The following WFS1 variants were observed in gnomAD, a reference collection of about 807,000 sequenced individuals.
The protein encoded by WFS1 is wolframin.
Under a neutral mutation model 68.5 loss-of-function variants are expected in WFS1, and 90 were observed. That is an observed-to-expected ratio of 1.31 (90% CI 1.11 to 1.56). WFS1 has a LOEUF of 1.56. Among genes scored for constraint, WFS1 ranks in the 40% most tolerant of loss-of-function variants. The pLI, the probability that WFS1 is intolerant of heterozygous loss-of-function variation, is 0.00. For missense variants in WFS1, 1,767 were observed against 1,232.6 expected, an observed-to-expected ratio of 1.43 and a Z score of -6.49; for synonymous variants, 860 against 540.7, an observed-to-expected ratio of 1.59 and a Z score of -8.19.
chr4:6,300,771 G>A lies in WFS1; in HGVS notation c.976G>A (p.Ala326Thr), dbSNP rs200790641. 6.7e-5 allele frequency: 108 copies of A among 1,613,862 alleles called. 1 individual carries two copies. Among genetic ancestry groups the A allele is most frequent in the Admixed American group, 2.7e-4 (16 of 59,984 alleles). ...STIIPTHHIN[A>T]LIFFFIVSNL... is the part of the protein sequence containing the mutation. ...CATCATCCCCACGCACCACATCAAC[G>A]CGCTCATCTTCTTCTTCATCGTCAG... The change falls in exon 8 of 8, where the codon GCG becomes ACG. Residue 326 changes from alanine to threonine, a missense_variant. By Grantham distance (58) the Ala-to-Thr change is moderately conservative. Coordinates refer to ENST00000226760, the MANE Select transcript of WFS1 (RefSeq NM_006005.3).
intron 4 of WFS1, among the ~76,000 whole-genome samples, chr4:6,289,599 T>C (rs1730407340): frequency 1.3e-5 from 2 of 152,182 alleles, no homozygotes; most frequent in Admixed American, 6.5e-5. Flanking sequence ...GGAGGCAGGC[T>C]GACCCTTCAT....
chr4:6,279,010 G>T (rs1730078056), intron 2 of WFS1, among the ~76,000 whole-genome samples: 1 of 152,208 alleles, frequency 6.6e-6, no homozygotes, highest in South Asian at 2.1e-4. Context: ...TCTCCAATGT[G>T]GGGGTGGTGA....
rs1338086186 is a variant in WFS1 at position 6,295,256 on chromosome 4, C to T, written c.861+67C>T. 1.7e-5 allele frequency: 27 copies of T among 1,596,706 alleles called. No individual in the cohort carries two copies. The Admixed American group carries it at 3.7e-4, about 22-fold the overall frequency. On this transcript the variant is annotated intron_variant, in intron 7 of 7. Coordinates refer to ENST00000226760, the MANE Select transcript of WFS1 (RefSeq NM_006005.3). ...AAGGACTCGCGCACCTCAGGCAGGG[C>T]ACCTTCCAGGAAGCTGCAGGTGGGG...
chr4:6,290,504 C>T (rs1167421640), intron 4 of WFS1, among the ~76,000 whole-genome samples: 2 of 152,242 alleles, frequency 1.3e-5, no homozygotes, highest in South Asian at 2.1e-4. Context: ...CAGCTGCACA[C>T]ACCTTCTGAT....
At chr4:6,275,669 C>T (rs1729973880) in intron 1 of WFS1, among the ~76,000 whole-genome samples, 1 of 152,014 alleles carries the variant, frequency 6.6e-6, no homozygotes, top group Non-Finnish European at 1.5e-5. Context: ...GGGCTCAGTC[C>T]CTCTGAGGGA....
chr4:6,300,230 C>G (rs1016054698), intron 7 of WFS1, among the ~76,000 whole-genome samples: 1 of 152,150 alleles, frequency 6.6e-6, no homozygotes, highest in Non-Finnish European at 1.5e-5. Flanking sequence ...AGGTGACATC[C>G]TTGCTGTAGT....
chr4:6,285,364 G>T (rs1730285298), intron 2 of WFS1, among the ~76,000 whole-genome samples: 1 of 149,956 alleles, frequency 6.7e-6, no homozygotes, highest in Non-Finnish European at 1.5e-5. Flanking sequence ...AGGGAAAGCA[G>T]CATCAAGGGA....
chr4:6,276,859 A>G (rs1730009502), intron 1 of WFS1, among the ~76,000 whole-genome samples: 1 of 152,204 alleles, frequency 6.6e-6, no homozygotes, highest in Non-Finnish European at 1.5e-5. Context: ...AGCTTCTGGC[A>G]GTGGCCAGTG....
chr4:6,288,972 GT>G lies in WFS1; in HGVS notation c.316-14del. ...GGTCGGAGAATCTGGAGGCTGACTG[GT>G]GTCTGGCTTGCAGGTGGGGAAGCAC... On this transcript the variant is annotated splice_polypyrimidine_tract_variant and intron_variant, in intron 3 of 7. Transcript: ENST00000226760. The G allele has an allele frequency of 3.1e-6, 5 of 1,606,594 alleles. No individual in the cohort carries two copies. The highest frequency in any genetic ancestry group is 4.2e-6 in the Non-Finnish European group (5 of 1,177,122).
At position 6,280,416 on chromosome 4, in the gene WFS1, A is replaced by G. The variant is rs1266887915; in HGVS notation, c.232+2729A>G. Among the ~76,000 whole-genome samples, 8 of 152,132 alleles carry G rather than the reference A, an allele frequency of 5.3e-5. No individual in the cohort carries two copies. In the East Asian group the frequency reaches 1.5e-3, roughly 29 times the overall value. On this transcript the variant is annotated intron_variant, in intron 2 of 7. Coordinates refer to ENST00000226760, the MANE Select transcript of WFS1 (RefSeq NM_006005.3). Reference sequence around the variant, plus strand: ...GATCTGTTGTTCTGCTCAACAAGAGAATAAAGCTGGGCTTGTCACACCTGG... The same window carrying G: ...GATCTGTTGTTCTGCTCAACAAGAGGATAAAGCTGGGCTTGTCACACCTGG...
chr4:6,277,532 G>T lies in WFS1; in HGVS notation c.77G>T (p.Arg26Leu). 5.7e-6 allele frequency: 9 copies of T among 1,587,930 alleles called. No homozygotes were observed. The highest frequency in any genetic ancestry group is 7.7e-6 in the Non-Finnish European group (9 of 1,167,860). The change falls in exon 2 of 8, where the codon CGA becomes CTA. Residue 26 changes from arginine to leucine, a missense_variant. Coordinates refer to ENST00000226760, the MANE Select transcript of WFS1 (RefSeq NM_006005.3). Reference protein sequence around the residue: ...PPAPQPQARSRLNATASLEQE... With the variant: ...PPAPQPQARSLLNATASLEQE... ...GCACCGCAGCCCCAGGCGCGTTCCC[G>T]ACTCAATGCCACAGCCTCGTTGGAG...
At chr4:6,300,077 T>C (rs769340374) in intron 7 of WFS1, among the ~76,000 whole-genome samples, 1 of 152,074 alleles carries the variant, frequency 6.6e-6, no homozygotes, top group African/African-American at 2.4e-5. Context: ...ACGGTATTTT[T>C]GCTGGGAGAG....
chr4:6,269,913 G>C lies in WFS1; in HGVS notation c.-107G>C, dbSNP rs1397132617. Reference sequence around the variant, plus strand: ...TGCAGATTGCTCCCCCGCGGCCGCAGATCTCCCGTTTGCGCCGCGTTCAGC... The same window carrying C: ...TGCAGATTGCTCCCCCGCGGCCGCACATCTCCCGTTTGCGCCGCGTTCAGC... On this transcript the variant is annotated 5_prime_UTR_variant, in exon 1 of 8. Coordinates refer to ENST00000226760, the MANE Select transcript of WFS1 (RefSeq NM_006005.3). 1 of 152,222 alleles carries C rather than the reference G, an allele frequency of 6.6e-6. No homozygotes were observed. The highest frequency in any genetic ancestry group is 1.9e-4 in the East Asian group (1 of 5,184). 9.4% of individuals were successfully genotyped at this position (152,222 alleles called of 1,614,324 possible).
In WFS1 at chr4:6,302,397, C is replaced by G. The variant is rs148611943; in HGVS notation, c.2602C>G (p.Arg868Gly). 7 of 1,613,126 alleles carry G rather than the reference C, an allele frequency of 4.3e-6. No homozygotes were observed. The highest frequency in any genetic ancestry group is 5.9e-6 in the Non-Finnish European group (7 of 1,179,978). Residue 868 changes from arginine (R) to glycine (G), a missense_variant, in exon 8 of 8, where the codon CGC (arginine) becomes GGC (glycine). Arg to Gly is a moderately radical substitution (Grantham distance 125, BLOSUM62 -2). Transcript: ENST00000226760. ...GCACGTGAAGATCGAGCACGACTGGCGCAGCACCGTGCATGGCGCCGTGAA... is the reference window on the plus strand; with the variant it reads ...GCACGTGAAGATCGAGCACGACTGGGGCAGCACCGTGCATGGCGCCGTGAA... ...RRHVKIEHDWRSTVHGAVKFA... is the reference protein window; with the variant it reads ...RRHVKIEHDWGSTVHGAVKFA...
Position 6,301,822 on chromosome 4 carries a change from G to A in WFS1, c.2027G>A (p.Arg676His), listed in dbSNP as rs143055296. The A allele has an allele frequency of 4.3e-5, 69 of 1,613,152 alleles. No homozygotes were observed. Among genetic ancestry groups the A allele is most frequent in the Admixed American group, 6.7e-5 (4 of 60,032 alleles). ...WQQYGALCGPRAWKETNMART... is the reference protein window; with the variant it reads ...WQQYGALCGPHAWKETNMART... ...CAGTATGGTGCGCTGTGCGGGCCACGCGCCTGGAAGGAGACCAACATGGCG... is the reference window on the plus strand; with the variant it reads ...CAGTATGGTGCGCTGTGCGGGCCACACGCCTGGAAGGAGACCAACATGGCG... Residue 676 changes from arginine (R) to histidine (H), a missense_variant, in exon 8 of 8, where the codon CGC becomes CAC. Transcript: ENST00000226760.
intron 2 of WFS1, among the ~76,000 whole-genome samples, chr4:6,281,099 A>T (rs1182463852): frequency 6.6e-6 from 1 of 152,096 alleles, no homozygotes; most frequent in Non-Finnish European, 1.5e-5. Flanking sequence ...CATTGGGGGT[A>T]GGGGGATTGC....
rs1003225223 is a variant in WFS1, at chr4:6,283,705, G to A, written c.233-3388G>A. Among the ~76,000 whole-genome samples, 1 of 152,218 alleles carries A rather than the reference G, an allele frequency of 6.6e-6. No individual in the cohort carries two copies. The highest frequency in any genetic ancestry group is 1.5e-5 in the Non-Finnish European group (1 of 68,044). On this transcript the variant is annotated intron_variant, in intron 2 of 7. Transcript: ENST00000226760. The surrounding 1 kb of genome is among the most constrained non-coding windows in gnomAD (Gnocchi z 5.0). ...GGTGCTGTAGTCAGGGAGATGACCT[G>A]GCAACTCTGATTGGCCAGGTGGGGG... is the stretch of plus-strand genomic sequence containing the variant.
rs71524350 is a variant in WFS1, at chr4:6,289,053, G to T, written c.382G>T (p.Asp128Tyr). 23 of 1,601,800 alleles carry T rather than the reference G, an allele frequency of 1.4e-5. No individual in the cohort carries two copies. Among genetic ancestry groups the T allele is most frequent in the Middle Eastern group, 1.6e-4 (1 of 6,068 alleles). ...DEELNSCTAV[D>Y]WLVLAAKQGR... ...AGAACTCAACAGCTGCACCGCTGTGGACTGGCTGGTCCTCGCCGCGAAGCA... is the reference window on the plus strand; with the variant it reads ...AGAACTCAACAGCTGCACCGCTGTGTACTGGCTGGTCCTCGCCGCGAAGCA... Residue 128 changes from aspartate (D) to tyrosine (Y), a missense_variant, in exon 4 of 8, where the codon GAC becomes TAC. Coordinates refer to ENST00000226760, the MANE Select transcript of WFS1 (RefSeq NM_006005.3).
chr4:6,277,773 C>A (rs1199055193), intron 2 of WFS1, 86 bp downstream of exon 2: 4 of 1,437,922 alleles, frequency 2.8e-6, no homozygotes, highest in Non-Finnish European at 3.8e-6. Flanking sequence ...TGGAGGGTCC[C>A]CCCGCCAGGT....
Sources: allele counts gnomAD v4.1 joint callset (sites outside exome capture counted in the v4.1 genomes callset), GRCh38; gene constraint gnomAD v4.1.1; non-coding constraint Gnocchi (gnomAD v3.1); transcripts MANE v1.5; gene names NCBI Gene and HGNC (gene_info 2026-07-23, HGNC 2026-07-21).